The following RNF19A variants were observed in gnomAD, a reference collection of about 807,000 sequenced individuals.
The protein encoded by RNF19A is E3 ubiquitin-protein ligase RNF19A.
RNF19A carries 32 observed loss-of-function variants against 75.7 expected under a neutral mutation model. That is an observed-to-expected ratio of 0.42 (90% CI 0.32 to 0.57). The LOEUF (loss-of-function observed/expected upper bound fraction) is 0.57. Among genes scored for constraint, RNF19A ranks in the 20% least tolerant of loss-of-function variants. The pLI, the probability that RNF19A is intolerant of heterozygous loss-of-function variation, is 0.10. For synonymous variants in RNF19A, 335 were observed against 345.2 expected (o/e 0.97, Z 0.33); for missense variants, 782 against 1,036.3 (o/e 0.75, Z 3.37).
intron 1 of RNF19A, among the ~76,000 whole-genome samples, chr8:100,327,964 A>C (rs1548047): frequency 0.32 from 49,291 of 152,146 alleles, 11,525 homozygotes; most frequent in African/African-American, 0.66. Context: ...TAAATCCTAG[A>C]AAACAGGTAG....
chr8:100,336,180 ACAGG>A (rs1401163953), exon 1 of RNF19A: 1 of 152,296 alleles, frequency 6.6e-6, no homozygotes, highest in Non-Finnish European at 1.5e-5. Context: ...TCGGCAGTAG[ACAGG>A]CAGTGCCAAT....
rs1819584174 is a variant in RNF19A at position 100,258,998 on chromosome 8, T to C, written c.2075A>G (p.Asp692Gly). Reference protein sequence around the residue: ...GNMKINETREDMDAQLLEQQS... With the variant: ...GNMKINETREGMDAQLLEQQS... ...TTGTTCTAACAACTGTGCATCCATGTCCTCTCTCGTCTCATTTATCTTCAT... is the reference window on the plus strand; with the variant it reads ...TTGTTCTAACAACTGTGCATCCATGCCCTCTCTCGTCTCATTTATCTTCAT... The change falls in exon 10 of 10, where the codon GAC becomes GGC. Residue 692 changes from aspartate (D) to glycine (G), a missense_variant. Coordinates refer to ENST00000341084, the MANE Select transcript of RNF19A (RefSeq NM_183419.4). The surrounding 1 kb of genome is among the most constrained non-coding windows in gnomAD (Gnocchi z 4.3). The C allele has an allele frequency of 5.6e-6, 9 of 1,614,214 alleles. No homozygotes were observed. The highest frequency in any genetic ancestry group is 7.6e-6 in the Non-Finnish European group (9 of 1,180,038).
intron 3 of RNF19A, among the ~76,000 whole-genome samples, chr8:100,273,020 C>T (rs1340393945): frequency 6.6e-6 from 1 of 152,128 alleles, no homozygotes; most frequent in Non-Finnish European, 1.5e-5. Context: ...TGCCCATCAC[C>T]ACGCCCGGCT....
chr8:100,267,273 A>G (rs992956787), intron 5 of RNF19A, among the ~76,000 whole-genome samples: 1 of 152,228 alleles, frequency 6.6e-6, no homozygotes, highest in African/African-American at 2.4e-5. Context: ...CTAAATCTCA[A>G]TATTTTAACA....
chr8:100,307,929 C>T (rs993304308), intron 1 of RNF19A, among the ~76,000 whole-genome samples: 16 of 152,098 alleles, frequency 1.1e-4, no homozygotes, highest in African/African-American at 3.9e-4. Context: ...ATCAAAAACT[C>T]AAGAAATCAC....
Position 100,269,766 on chromosome 8 carries a change from C to A in RNF19A, c.1028+103G>T. On this transcript the variant is annotated intron_variant, in intron 4 of 9. Coordinates refer to ENST00000341084, the MANE Select transcript of RNF19A (RefSeq NM_183419.4). The surrounding 1 kb of genome is among the most constrained non-coding windows in gnomAD (Gnocchi z 5.7). Reference sequence around the variant, plus strand: ...TAAATTTATTTAACTAGAATAAAACCAATCCCTTTAAGTATCTTATAAAAC... The same window carrying A: ...TAAATTTATTTAACTAGAATAAAACAAATCCCTTTAAGTATCTTATAAAAC... The A allele has an allele frequency of 8.0e-6, 6 of 754,306 alleles. No homozygotes were observed. The highest frequency in any genetic ancestry group is 3.6e-5 in the South Asian group (1 of 27,580). 46.7% of individuals were successfully genotyped at this position (754,306 alleles called of 1,614,324 possible). A position where few individuals can be genotyped will look rare whatever the true frequency, so the allele number is the denominator to read the frequency against.
intron 1 of RNF19A, among the ~76,000 whole-genome samples, chr8:100,320,458 A>C (rs914088370): frequency 1.3e-5 from 2 of 152,240 alleles, no homozygotes; most frequent in Non-Finnish European, 1.5e-5. Flanking sequence ...GAATTACTGA[A>C]GAAAACCTTT....
chr8:100,296,218 C>T (rs1412655558), intron 1 of RNF19A, among the ~76,000 whole-genome samples: 1 of 152,078 alleles, frequency 6.6e-6, no homozygotes, highest in Non-Finnish European at 1.5e-5. Context: ...GATTCTTGTG[C>T]CTCAGCCTCC....
intron 5 of RNF19A, among the ~76,000 whole-genome samples, chr8:100,267,917 A>C (rs1194639664): frequency 2.0e-5 from 3 of 151,928 alleles, no homozygotes; most frequent in African/African-American, 7.3e-5. Flanking sequence ...ACCTCAGATG[A>C]TCCACCAGCC....
chr8:100,308,332 T>G (rs745318377), intron 1 of RNF19A, among the ~76,000 whole-genome samples: 13 of 152,076 alleles, frequency 8.5e-5, no homozygotes, highest in Non-Finnish European at 1.8e-4. Context: ...TTTAAAAGTG[T>G]TTTTTTAGCA....
At chr8:100,295,961 A>C (rs1268322262) in intron 1 of RNF19A, among the ~76,000 whole-genome samples, 1 of 152,238 alleles carries the variant, frequency 6.6e-6, no homozygotes, top group Non-Finnish European at 1.5e-5. Context: ...TTCATGATCT[A>C]TGCTTACTTA....
rs1822620116 is a variant in RNF19A at position 100,332,151 on chromosome 8, T to C, written c.-243+3957A>G. On this transcript the variant is annotated intron_variant, in intron 1 of 3. Coordinates refer to the RNF19A transcript ENST00000519527. This position sits in a 1 kb window ranked among gnomAD's most constrained non-coding sequence, Gnocchi z 4.8. ...AAAGTGGAATTGCTGGTTTAAAGGA[T>C]ATGTCCACTTTCCATACTGATATCT... is the stretch of plus-strand genomic sequence containing the variant. Among the ~76,000 whole-genome samples the C allele has an allele frequency of 6.6e-6, 1 of 152,230 alleles. No individual in the cohort carries two copies. Among genetic ancestry groups the C allele is most frequent in the South Asian group, 2.1e-4 (1 of 4,826 alleles).
At chr8:100,283,772 C>T (rs751817434) in intron 2 of RNF19A, among the ~76,000 whole-genome samples, 1 of 152,136 alleles carries the variant, frequency 6.6e-6, no homozygotes, top group Non-Finnish European at 1.5e-5. Context: ...AATTTCACAT[C>T]TAGCATTTCT....
upstream of RNF19A, among the ~76,000 whole-genome samples, chr8:100,310,480 C>A (rs1428167866): frequency 6.6e-6 from 1 of 152,260 alleles, no homozygotes. Context: ...AGTTGCCAGA[C>A]TCGGCGACTC....
Position 100,295,900 on chromosome 8 carries a change from G to A in RNF19A, c.-93-7633C>T, listed in dbSNP as rs1586664337. On this transcript the variant is annotated intron_variant, in intron 1 of 9. Coordinates refer to ENST00000341084, the MANE Select transcript of RNF19A (RefSeq NM_183419.4). Reference sequence around the variant, plus strand: ...AATCACTGAAGTTCATTATAATAAAGTTTGCTATTACTAAAAAATCACATT... The same window carrying A: ...AATCACTGAAGTTCATTATAATAAAATTTGCTATTACTAAAAAATCACATT... Among the ~76,000 whole-genome samples the A allele has an allele frequency of 2.0e-5, 3 of 152,020 alleles. No individual in the cohort carries two copies. The South Asian group carries it at 6.2e-4, about 32-fold the overall frequency.
At position 100,333,055 on chromosome 8, in the gene RNF19A, G is replaced by T. The variant is rs1052237850; in HGVS notation, c.-243+3053C>A. Among the ~76,000 whole-genome samples the T allele has an allele frequency of 6.6e-6, 1 of 151,134 alleles. No individual in the cohort carries two copies. Among genetic ancestry groups the T allele is most frequent in the South Asian group, 2.1e-4 (1 of 4,768 alleles). On this transcript the variant is annotated intron_variant, in intron 1 of 3. Coordinates refer to the RNF19A transcript ENST00000519527. The surrounding 1 kb of genome is among the most constrained non-coding windows in gnomAD (Gnocchi z 4.7). ...AGTATATTGCTAACTCTTAAAATTTGTTCCTTCTTACCATTTCTAGTATGG... is the reference window on the plus strand; with the variant it reads ...AGTATATTGCTAACTCTTAAAATTTTTTCCTTCTTACCATTTCTAGTATGG...
intron 1 of RNF19A, among the ~76,000 whole-genome samples, chr8:100,299,498 G>A (rs1821723041): frequency 6.6e-6 from 1 of 152,170 alleles, no homozygotes; most frequent in Non-Finnish European, 1.5e-5. Context: ...GGTGGCTCAC[G>A]CCTGTAATCC....
chr8:100,328,167 A>G (rs778206984), intron 1 of RNF19A, among the ~76,000 whole-genome samples: 3 of 152,136 alleles, frequency 2.0e-5, no homozygotes, highest in Non-Finnish European at 4.4e-5. Context: ...TGAGTCAGGG[A>G]AGACTCCACC....
At chr8:100,281,006 T>C (rs188642498) in intron 2 of RNF19A, among the ~76,000 whole-genome samples, 2 of 152,312 alleles carry the variant, frequency 1.3e-5, no homozygotes, top group African/African-American at 4.8e-5. Context: ...ACAGGCTCAA[T>C]AGAAGGTCAT....
Sources: gnomAD v4.1 joint callset for allele counts (sites outside exome capture counted in the v4.1 genomes callset) on GRCh38, gnomAD v4.1.1 for gene constraint, Gnocchi (gnomAD v3.1) non-coding constraint, MANE v1.5 for transcripts, NCBI Gene and HGNC (gene_info 2026-07-23, HGNC 2026-07-21) for gene names.